Variants in FGF13 observed in about 807,000 individuals in gnomAD.
FGF13 encodes the protein fibroblast growth factor homologous factor 2.
In FGF13, 2 loss-of-function variants were observed where a neutral mutation model predicts 19.5. The observed-to-expected ratio is 0.10, with a 90% CI of 0.04 to 0.32. FGF13 has a LOEUF of 0.32. Ranked by LOEUF, FGF13 falls within the 10% of genes least tolerant of loss-of-function variation. The pLI is 1.00. For synonymous variants in FGF13, 72 were observed against 76.9 expected (o/e 0.94, Z 0.33); for missense variants, 113 against 192.7 (o/e 0.59, Z 2.45).
At chrX:139,153,318 T>G (rs191313674) in intron 1 of FGF13, among the ~76,000 whole-genome samples, 2 of 107,283 alleles carry the variant, frequency 1.9e-5, no homozygotes, top group Non-Finnish European at 3.8e-5. Flanking sequence ...TTTCAACCAC[T>G]ATTGCCAGTA....
intron 1 of FGF13, among the ~76,000 whole-genome samples, chrX:139,036,724 G>T (rs775143824): frequency 9.0e-6 from 1 of 111,443 alleles, no homozygotes; most frequent in East Asian, 2.9e-4. Context: ...AGTTCCACAT[G>T]GCTGGGGAGG....
At chrX:139,036,750 A>G (rs909060644) in intron 1 of FGF13, among the ~76,000 whole-genome samples, 1 of 111,552 alleles carries the variant, frequency 9.0e-6, no homozygotes, top group African/African-American at 3.3e-5. Flanking sequence ...CAATCATAGC[A>G]GAAGGCAAGG....
intron 1 of FGF13, among the ~76,000 whole-genome samples, chrX:139,148,861 T>A (rs2083911099): frequency 9.1e-6 from 1 of 110,472 alleles, no homozygotes; most frequent in Non-Finnish European, 1.9e-5. Flanking sequence ...GGAAATATGG[T>A]GACAATAATG....
intron 3 of FGF13, among the ~76,000 whole-genome samples, chrX:138,808,645 A>C (rs2090892954): frequency 9.0e-6 from 1 of 110,669 alleles, no homozygotes; most frequent in Non-Finnish European, 1.9e-5. Flanking sequence ...AAATCAATGA[A>C]TCCAGGAGCT....
intron 1 of FGF13, among the ~76,000 whole-genome samples, chrX:138,879,941 G>A (rs1178092223): frequency 1.8e-5 from 2 of 111,690 alleles, no homozygotes; most frequent in Non-Finnish European, 3.8e-5. Flanking sequence ...TCTGACAAAG[G>A]GTTAATATCC....
intron 1 of FGF13, among the ~76,000 whole-genome samples, chrX:139,129,270 A>G (rs1024709969): frequency 9.1e-6 from 1 of 110,108 alleles, no homozygotes; most frequent in Non-Finnish European, 1.9e-5. Flanking sequence ...ATCATATGAT[A>G]TATTCATCAC....
At chrX:138,888,352 T>C (rs1453610537) in intron 1 of FGF13, among the ~76,000 whole-genome samples, 2 of 111,753 alleles carry the variant, frequency 1.8e-5, no homozygotes, top group African/African-American at 6.5e-5. Flanking sequence ...ATCTGTTTCA[T>C]TATGATCCCA....
At chrX:139,018,480 C>T (rs1301520095) in intron 1 of FGF13, among the ~76,000 whole-genome samples, 1 of 111,252 alleles carries the variant, frequency 9.0e-6, no homozygotes, top group East Asian at 2.8e-4. Flanking sequence ...CCATAAAGCC[C>T]CAGGTGGCAA....
Position 139,113,421 on chromosome X carries a change from C to T in FGF13, c.-113+89995G>A, listed in dbSNP as rs539154037. ...AGCCTATGACCTCTTGGCTACAGCACATTCCCACCTTGCTAGAATTATTAA... is the reference window on the plus strand; with the variant it reads ...AGCCTATGACCTCTTGGCTACAGCATATTCCCACCTTGCTAGAATTATTAA... On this transcript the variant is annotated intron_variant, in intron 1 of 2. Coordinates refer to the FGF13 transcript ENST00000421460. Among the ~76,000 whole-genome samples the T allele has an allele frequency of 2.7e-5, 3 of 112,097 alleles. No individual in the cohort carries two copies. The South Asian group carries it at 1.1e-3, about 42-fold the overall frequency.
rs1192686175 is a variant in FGF13 at position 139,000,192 on chromosome X, A to C, written c.-112-135542T>G. Among the ~76,000 whole-genome samples, 8 of 112,057 alleles carry C rather than the reference A, an allele frequency of 7.1e-5. No homozygotes were observed. The East Asian group carries it at 2.2e-3, about 31-fold the overall frequency. On this transcript the variant is annotated intron_variant, in intron 1 of 2. Transcript: ENST00000421460. ...TTATTTTTGGAATGTATCTCAAAAT[A>C]ATAAGACCTATTTATGACAAACCCA...
chrX:139,151,014 C>T (rs2083930473), intron 1 of FGF13, among the ~76,000 whole-genome samples: 1 of 110,181 alleles, frequency 9.1e-6, no homozygotes, highest in Non-Finnish European at 1.9e-5. Context: ...GTTAAGACTC[C>T]TAAGAGGACA....
At chrX:139,026,424 A>T (rs1379811972) in intron 1 of FGF13, among the ~76,000 whole-genome samples, 1 of 112,219 alleles carries the variant, frequency 8.9e-6, no homozygotes, top group Non-Finnish European at 1.9e-5. Flanking sequence ...TCACATAAAA[A>T]ATGTTTACTG....
chrX:139,089,956 A>G (rs2083429131), intron 1 of FGF13, among the ~76,000 whole-genome samples: 1 of 111,447 alleles, frequency 9.0e-6, no homozygotes, highest in African/African-American at 3.3e-5. Context: ...CTCCCACCTC[A>G]GCCACCCAAG....
chrX:139,060,691 T>C (rs768021427), intron 1 of FGF13, among the ~76,000 whole-genome samples: 40 of 112,042 alleles, frequency 3.6e-4, no homozygotes, highest in African/African-American at 1.3e-3. Context: ...AGAATATGTG[T>C]TGGTGCTTAA....
At chrX:138,817,949 G>A (rs142860996) in intron 3 of FGF13, among the ~76,000 whole-genome samples, 1 of 111,673 alleles carries the variant, frequency 9.0e-6, no homozygotes, top group Non-Finnish European at 1.9e-5. Context: ...GTATGGATGC[G>A]TTCCAGTAAA....
At chrX:138,972,056 T>TTTTGTGTGTGTG (rs1556316125) in intron 1 of FGF13, among the ~76,000 whole-genome samples, 1 of 94,965 alleles carries the variant, frequency 1.1e-5, no homozygotes, top group Non-Finnish European at 2.1e-5. Flanking sequence ...TAGTATTCTA[T>TTTTGTGTGTGTG]TGTGTGTGTG....
chrX:138,799,396 C>T (rs966642564), intron 3 of FGF13, among the ~76,000 whole-genome samples: 1 of 112,036 alleles, frequency 8.9e-6, no homozygotes, highest in Non-Finnish European at 1.9e-5. Flanking sequence ...ATCCTGAGTT[C>T]TAATTTGATT....
At chrX:139,064,281 CTTTT>C (rs139084376) in intron 1 of FGF13, among the ~76,000 whole-genome samples, 5 of 23,160 alleles carry the variant, frequency 2.2e-4, no homozygotes, top group Non-Finnish European at 2.7e-4. Context: ...CTTTTTTTTT[CTTTT>C]TTTTTTTTTT....
chrX:138,975,695 A>T (rs2091936998), intron 1 of FGF13, among the ~76,000 whole-genome samples: 1 of 111,760 alleles, frequency 8.9e-6, no homozygotes, highest in African/African-American at 3.3e-5. Flanking sequence ...TGAGCAAAAG[A>T]TGGCAAAAAA....
Sources: allele counts gnomAD v4.1 joint callset (sites outside exome capture counted in the v4.1 genomes callset), GRCh38; gene constraint gnomAD v4.1.1; transcripts MANE v1.5; gene names NCBI Gene and HGNC (gene_info 2026-07-23, HGNC 2026-07-21).